The following CAST variants were observed in gnomAD, a reference collection of about 807,000 sequenced individuals.
CAST encodes calpastatin, also known as MIR583 host.
CAST carries 76 observed loss-of-function variants against 119.6 expected under a neutral mutation model. That is an observed-to-expected ratio of 0.64 (90% confidence interval 0.53 to 0.77). The LOEUF is 0.77. Among genes scored for constraint, CAST ranks in the 30% least tolerant of loss-of-function variants. CAST has a pLI of 0.00. For missense variants in CAST, 953 were observed against 946.5 expected (o/e 1.01, Z -0.09); for synonymous variants, 319 against 331.6 (o/e 0.96, Z 0.41).
chr5:96,483,884 G>A, the CAST span, among the ~76,000 whole-genome samples: 28 of 152,256 alleles, frequency 1.8e-4, no homozygotes, highest in African/African-American at 6.5e-4. Context: ...GCTGAGTCAA[G>A]ACTCACACCC....
intron 1 of CAST, among the ~76,000 whole-genome samples, chr5:96,580,634 T>C (rs1338338540): frequency 6.6e-6 from 1 of 152,226 alleles, no homozygotes; most frequent in Non-Finnish European, 1.5e-5. Context: ...GTTGGTTATG[T>C]TGGTCAATGG....
At chr5:96,480,148 A>G in the CAST span, among the ~76,000 whole-genome samples, 1 of 152,226 alleles carries the variant, frequency 6.6e-6, no homozygotes, top group Non-Finnish European at 1.5e-5. Context: ...GTAAAGAAAG[A>G]TGATTCTATC....
chr5:96,377,763 A>G, the CAST span, among the ~76,000 whole-genome samples: 1,046 of 152,280 alleles, frequency 6.9e-3, 3 homozygotes, highest in Non-Finnish European at 0.011. Context: ...GGATAATACT[A>G]TTCACACTGT....
At chr5:96,460,272 C>T in the CAST span, among the ~76,000 whole-genome samples, 7 of 151,896 alleles carry the variant, frequency 4.6e-5, 1 homozygote, top group South Asian at 1.3e-3. Flanking sequence ...CACTTGAGAC[C>T]GTGGAGAACA....
At chr5:96,565,077 G>GGTGTGTGTGTGTGTGT (rs61240765) in intron 1 of CAST, among the ~76,000 whole-genome samples, 2,934 of 148,702 alleles carry the variant, frequency 0.02, 36 homozygotes, top group African/African-American at 0.027. Flanking sequence ...ACATGGGAAA[G>GGTGTGTGTGTGTGTGT]GTGTGTGTGT....
intron 1 of CAST, among the ~76,000 whole-genome samples, chr5:96,669,153 G>C (rs1489213565): frequency 6.6e-6 from 1 of 152,228 alleles, no homozygotes; most frequent in Non-Finnish European, 1.5e-5. Context: ...AAGGCAGACA[G>C]TTCTAGGATC....
intron 1 of CAST, among the ~76,000 whole-genome samples, chr5:96,638,524 T>G (rs1355441969): frequency 2.0e-5 from 3 of 152,240 alleles, no homozygotes; most frequent in Non-Finnish European, 4.4e-5. Flanking sequence ...CTTCTGGGGA[T>G]CCTCTAGACC....
chr5:96,281,752 C>G, the CAST span, among the ~76,000 whole-genome samples: 25 of 152,294 alleles, frequency 1.6e-4, no homozygotes, highest in African/African-American at 5.1e-4. Context: ...ATGACATTTT[C>G]ACTTACATGG....
the CAST span, among the ~76,000 whole-genome samples, chr5:96,122,570 T>G: frequency 6.6e-6 from 1 of 152,310 alleles, no homozygotes; most frequent in Non-Finnish European, 1.5e-5. Flanking sequence ...AGACCTGCTA[T>G]TCAAATCATA....
At chr5:96,508,829 G>C in the CAST span, among the ~76,000 whole-genome samples, 10 of 152,144 alleles carry the variant, frequency 6.6e-5, no homozygotes, top group Non-Finnish European at 1.0e-4. Context: ...GTAGTTAAGG[G>C]TGCAGACTTA....
chr5:96,438,238 G>T, the CAST span, among the ~76,000 whole-genome samples: 73,523 of 151,874 alleles, frequency 0.48, 18,031 homozygotes, highest in South Asian at 0.55. Context: ...TAACTTTATA[G>T]TTACAGAAAA....
chr5:96,737,912 G>C lies in CAST; in HGVS notation c.763G>C (p.Glu255Gln). The C allele has an allele frequency of 6.2e-7, 1 of 1,607,510 alleles. No homozygotes were observed. Among genetic ancestry groups the C allele is most frequent in the Non-Finnish European group, 8.5e-7 (1 of 1,174,184 alleles). The change falls in exon 11 of 32, where the codon GAA becomes CAA. Residue 255 changes from glutamate to glutamine, a missense_variant. Transcript: ENST00000675179. ...DTLGGPEETE[E>Q]ENTTYTGPEV... ...TTTAGGAGGACCTGAAGAAACTGAA[G>C]AAGAAAATACAACGTATACTGGACC...
the CAST span, among the ~76,000 whole-genome samples, chr5:96,488,699 C>T: frequency 6.6e-6 from 1 of 152,176 alleles, no homozygotes; most frequent in Non-Finnish European, 1.5e-5. Context: ...TATGCAAATG[C>T]ACCACGAGTA....
At chr5:96,411,992 G>GTTGCAGAA in the CAST span, among the ~76,000 whole-genome samples, 1 of 152,100 alleles carries the variant, frequency 6.6e-6, no homozygotes, top group Non-Finnish European at 1.5e-5. Flanking sequence ...TCTAAACTAG[G>GTTGCAGAA]TTGCAGAACA....
chr5:96,490,668 A>C, the CAST span, among the ~76,000 whole-genome samples: 16 of 152,182 alleles, frequency 1.1e-4, no homozygotes, highest in South Asian at 3.3e-3. Context: ...ATCACAACAA[A>C]TTATGTTAAA....
At chr5:96,168,764 C>T in the CAST span, among the ~76,000 whole-genome samples, 1 of 151,974 alleles carries the variant, frequency 6.6e-6, no homozygotes, top group East Asian at 1.9e-4. Flanking sequence ...ATGTGTGAGG[C>T]TCGATTAAAG....
At chr5:96,054,416 G>T in the CAST span, among the ~76,000 whole-genome samples, 3 of 151,890 alleles carry the variant, frequency 2.0e-5, no homozygotes, top group Non-Finnish European at 4.4e-5. Flanking sequence ...ACCATGCCTG[G>T]CTTGTCCTGG....
chr5:96,043,988 C>T, the CAST span, among the ~76,000 whole-genome samples: 1 of 152,154 alleles, frequency 6.6e-6, no homozygotes, highest in Admixed American at 6.5e-5. Context: ...TATCAAATGC[C>T]ATGCAATAGT....
intron 1 of CAST, chr5:96,662,968 G>C: frequency 1.7e-6 from 1 of 600,996 alleles, no homozygotes; most frequent in Non-Finnish European, 2.9e-6. Flanking sequence ...GGCCTGCGCC[G>C]GGCCCCACCC....
Sources: gnomAD v4.1 joint callset for allele counts (sites outside exome capture counted in the v4.1 genomes callset) on GRCh38, gnomAD v4.1.1 for gene constraint, MANE v1.5 for transcripts, NCBI Gene and HGNC (gene_info 2026-07-23, HGNC 2026-07-21) for gene names.